CDK14: variants seen among roughly 807,000 people sequenced by gnomAD.
The protein encoded by CDK14 is cyclin dependent kinase 14.
Under a neutral mutation model 60.7 loss-of-function variants are expected in CDK14, and 34 were observed. The observed-to-expected ratio is 0.56, with a 90% CI of 0.43 to 0.75. The LOEUF (loss-of-function observed/expected upper bound fraction) is 0.75. Ranked by LOEUF, CDK14 falls within the 30% of genes least tolerant of loss-of-function variation. CDK14 has a pLI of 0.00. For missense variants in CDK14, 482 were observed against 564.1 expected, an observed-to-expected ratio of 0.85 and a Z score of 1.47; for synonymous variants, 197 against 203.7, an observed-to-expected ratio of 0.97 and a Z score of 0.28.
intron 14 of CDK14, among the ~76,000 whole-genome samples, chr7:91,196,606 C>G (rs534041217): frequency 6.6e-6 from 1 of 152,232 alleles, no homozygotes; most frequent in Non-Finnish European, 1.5e-5. Flanking sequence ...CCATGCCACA[C>G]TGCACAGGCA....
chr7:90,950,644 G>A (rs757971897), intron 8 of CDK14, among the ~76,000 whole-genome samples: 9 of 152,202 alleles, frequency 5.9e-5, no homozygotes, highest in Non-Finnish European at 1.3e-4. Context: ...GCTAGAGGAT[G>A]TAGTACTGGT....
At chr7:90,992,975 T>C (rs533847837) in intron 10 of CDK14, among the ~76,000 whole-genome samples, 3 of 152,254 alleles carry the variant, frequency 2.0e-5, no homozygotes, top group East Asian at 3.9e-4. Context: ...CAGTTCACCA[T>C]GAGAGTTAGT....
chr7:91,004,833 A>G (rs879598474), intron 10 of CDK14, among the ~76,000 whole-genome samples: 8 of 152,238 alleles, frequency 5.3e-5, no homozygotes, highest in African/African-American at 1.4e-4. Flanking sequence ...AAACCACACT[A>G]TAATTTGAAC....
At position 91,175,376 on chromosome 7, in the gene CDK14, G is replaced by C. The variant is rs563543620; in HGVS notation, c.*29-31789G>C. 4.9e-4 allele frequency among the ~76,000 whole-genome samples: 75 copies of C among 151,992 alleles called. 1 individual carries two copies. Among genetic ancestry groups the C allele is most frequent in the East Asian group, 3.9e-3 (20 of 5,182 alleles). On this transcript the variant is annotated intron_variant, in intron 14 of 14. Coordinates refer to ENST00000380050, the MANE Select transcript of CDK14 (RefSeq NM_001287135.2). ...ATCATGCCAAAATGTAAAGACCATC[G>C]AGACTAGGAAGAAACTGCATCAACT...
At chr7:91,092,336 T>C (rs1562901200) in intron 12 of CDK14, among the ~76,000 whole-genome samples, 2 of 152,162 alleles carry the variant, frequency 1.3e-5, no homozygotes, top group Non-Finnish European at 2.9e-5. Context: ...CTCCTCCACA[T>C]GAGAGAGGAA....
chr7:90,729,277 T>G (rs1315437774), intron 3 of CDK14, among the ~76,000 whole-genome samples: 2 of 151,216 alleles, frequency 1.3e-5, no homozygotes, highest in Non-Finnish European at 1.5e-5. Context: ...TGAGTATTTT[T>G]GGGATTCTGA....
intron 10 of CDK14, among the ~76,000 whole-genome samples, chr7:91,002,747 G>A (rs537135748): frequency 1.1e-3 from 165 of 152,176 alleles, no homozygotes; most frequent in African/African-American, 3.9e-3. Flanking sequence ...ATCTAGCCTC[G>A]TGATTAATTT....
At chr7:90,862,047 C>T (rs1791026680) in intron 5 of CDK14, among the ~76,000 whole-genome samples, 1 of 151,464 alleles carries the variant, frequency 6.6e-6, no homozygotes, top group South Asian at 2.1e-4. Flanking sequence ...GAGAAATGGA[C>T]AAAAAATAAA....
At chr7:90,937,110 A>G (rs1793779671) in intron 8 of CDK14, among the ~76,000 whole-genome samples, 2 of 152,140 alleles carry the variant, frequency 1.3e-5, no homozygotes, top group Admixed American at 1.3e-4. Flanking sequence ...TAAATAAGCA[A>G]ACACATAAAT....
chr7:90,709,344 C>A, intron 2 of CDK14: 2 of 1,158,160 alleles, frequency 1.7e-6, no homozygotes, highest in South Asian at 2.0e-5. Context: ...TCACTCAGGA[C>A]ACTTACTGGC....
intron 5 of CDK14, among the ~76,000 whole-genome samples, chr7:90,859,528 T>A (rs563532824): frequency 5.9e-5 from 9 of 152,224 alleles, no homozygotes; most frequent in African/African-American, 2.2e-4. Context: ...TATTTTAATA[T>A]GTTAAAACAT....
intron 9 of CDK14, among the ~76,000 whole-genome samples, chr7:90,983,750 A>G (rs560062962): frequency 7.9e-5 from 12 of 152,316 alleles, no homozygotes; most frequent in African/African-American, 2.9e-4. Flanking sequence ...CATTATGCTA[A>G]GTGAATTAAC....
intron 2 of CDK14, among the ~76,000 whole-genome samples, chr7:90,645,802 A>G (rs1055524525): frequency 2.6e-5 from 4 of 152,212 alleles, no homozygotes; most frequent in African/African-American, 7.2e-5. Flanking sequence ...ATATTGGCCA[A>G]AGGAGAAAAA....
At chr7:91,179,270 C>G (rs1167026033) in intron 14 of CDK14, among the ~76,000 whole-genome samples, 1 of 146,918 alleles carries the variant, frequency 6.8e-6, no homozygotes, top group Non-Finnish European at 1.5e-5. Context: ...AACCAAACCC[C>G]GCATATTCTC....
intron 14 of CDK14, among the ~76,000 whole-genome samples, chr7:91,145,521 T>C (rs1333057869): frequency 1.3e-5 from 2 of 152,154 alleles, no homozygotes; most frequent in Non-Finnish European, 2.9e-5. Context: ...CCACCCCTTC[T>C]CCCTCAAATT....
chr7:90,848,251 A>G (rs1015396797), intron 5 of CDK14, among the ~76,000 whole-genome samples: 1 of 152,138 alleles, frequency 6.6e-6, no homozygotes, highest in Non-Finnish European at 1.5e-5. Flanking sequence ...GCAGGCTTGC[A>G]TCATCATGCC....
At chr7:90,944,243 T>C (rs1349618343) in intron 8 of CDK14, among the ~76,000 whole-genome samples, 1 of 152,180 alleles carries the variant, frequency 6.6e-6, no homozygotes, top group Non-Finnish European at 1.5e-5. Context: ...TCAAGTATTC[T>C]TTGATAGCAA....
intron 2 of CDK14, among the ~76,000 whole-genome samples, chr7:90,674,028 C>T (rs1002390604): frequency 2.0e-5 from 3 of 152,188 alleles, no homozygotes; most frequent in African/African-American, 7.2e-5. Context: ...TATGGAAACA[C>T]TATTTGACGT....
At chr7:91,172,446 T>C (rs933716169) in intron 14 of CDK14, among the ~76,000 whole-genome samples, 2 of 152,210 alleles carry the variant, frequency 1.3e-5, no homozygotes, top group African/African-American at 4.8e-5. Context: ...CTAAATGGAC[T>C]TCCTCCCTCT....
Sources: gnomAD v4.1 joint callset for allele counts (sites outside exome capture counted in the v4.1 genomes callset) on GRCh38, gnomAD v4.1.1 for gene constraint, MANE v1.5 for transcripts, NCBI Gene and HGNC (gene_info 2026-07-23, HGNC 2026-07-21) for gene names.